The following DNAJA3 variants were observed in gnomAD, a reference collection of about 807,000 sequenced individuals.
DNAJA3 encodes DnaJ heat shock protein family (Hsp40) member A3, also known as dnaJ homolog subfamily A member 3, mitochondrial.
Under a neutral mutation model 54.9 loss-of-function variants are expected in DNAJA3, and 29 were observed. The ratio of observed to expected loss-of-function variants is 0.53; its 90% CI spans 0.39 to 0.72. The LOEUF is 0.72. DNAJA3 is among the 30% of genes least tolerant of loss of function. DNAJA3 has a pLI of 0.00. For missense variants in DNAJA3, 708 were observed against 639.4 expected, an observed-to-expected ratio of 1.11 and a Z score of -1.16; for synonymous variants, 302 against 251.4, an observed-to-expected ratio of 1.20 and a Z score of -1.90.
At chr16:4,431,945 C>G (rs765219163) in intron 1 of DNAJA3, 1 of 151,972 alleles carries the variant, frequency 6.6e-6, no homozygotes, top group African/African-American at 2.4e-5. Context: ...CTCCCTATTG[C>G]TCTTAGGATA....
intron 9 of DNAJA3, 60 bp from the exon 10 acceptor site, chr16:4,450,336 CCTGT>C: frequency 2.2e-6 from 3 of 1,390,768 alleles, no homozygotes; most frequent in Non-Finnish European, 3.0e-6. Flanking sequence ...GTGCTGGCTG[CCTGT>C]GAGTTCTTTC....
chr16:4,447,301 G>A, intron 8 of DNAJA3: 1 of 367,208 alleles, frequency 2.7e-6, no homozygotes, highest in Admixed American at 4.4e-5. Context: ...GTTCACCCTG[G>A]GTTGTGCTCT....
chr16:4,425,977 G>A lies in DNAJA3; in HGVS notation c.96G>A (p.Glu32=), dbSNP rs766532585. The A allele has an allele frequency of 2.5e-6, 4 of 1,594,866 alleles. No individual in the cohort carries two copies. Among genetic ancestry groups the A allele is most frequent in the Non-Finnish European group, 3.4e-6 (4 of 1,172,084 alleles). Residue 32 remains glutamate (E), a synonymous_variant, in exon 1 of 12, where the codon GAG becomes GAA. Coordinates refer to ENST00000262375, the MANE Select transcript of DNAJA3 (RefSeq NM_005147.6). ...ISGRGARPPR[E]GVVGAWLSRK... The stretch of plus-strand genomic sequence containing the variant: ...GTAGAGGGGCCCGGCCGCCCAGGGA[G>A]GGCGTGGTGGGGGCATGGCTGAGCC...
At chr16:4,438,266 G>C (rs1022065065) in intron 3 of DNAJA3, among the ~76,000 whole-genome samples, 4 of 151,480 alleles carry the variant, frequency 2.6e-5, no homozygotes, top group African/African-American at 9.7e-5. Flanking sequence ...GCAGTGAGCT[G>C]AGATTGCGCC....
At chr16:4,434,572 C>A in intron 2 of DNAJA3, 55 bp downstream of exon 2, 1 of 1,586,686 alleles carries the variant, frequency 6.3e-7, no homozygotes, top group South Asian at 1.1e-5. Context: ...TGTTGTTGAT[C>A]CCATGTGATC....
intron 10 of DNAJA3, among the ~76,000 whole-genome samples, chr16:4,453,249 A>G (rs1364968879): frequency 6.6e-6 from 1 of 151,858 alleles, no homozygotes; most frequent in African/African-American, 2.4e-5. Context: ...TTAGTATCTT[A>G]ATGTAGCTGC....
At chr16:4,441,271 C>T (rs1596365414) in intron 3 of DNAJA3, 104 bp from the exon 4 acceptor site, 1 of 1,074,308 alleles carries the variant, frequency 9.3e-7, no homozygotes, top group Non-Finnish European at 1.4e-6. Flanking sequence ...GCACACAGGG[C>T]CACTTAATAA....
chr16:4,443,188 C>G (rs1413952425), intron 6 of DNAJA3, 24 bp downstream of exon 6: 1 of 1,612,852 alleles, frequency 6.2e-7, no homozygotes, highest in African/African-American at 1.3e-5. Context: ...CCCGCCATGT[C>G]CAGGAGCTTG....
At position 4,455,879 on chromosome 16, in the gene DNAJA3, AG is replaced by A; in HGVS notation, c.*349del. The A allele has an allele frequency of 2.0e-6, 1 of 500,774 alleles. No homozygotes were observed. The highest frequency in any genetic ancestry group is 3.6e-6 in the Non-Finnish European group (1 of 278,496). The allele number at this position is 500,774 out of a possible 1,614,324, so 31.0% of individuals were successfully genotyped here. A position where few individuals can be genotyped will look rare whatever the true frequency, so the allele number is the denominator to read the frequency against. ...TGAATATTGTGGATATCTTAGTTAAAGGCCATGCTTACAGCTTAGAAATGAA... is the reference window on the plus strand; with the variant it reads ...TGAATATTGTGGATATCTTAGTTAAAGCCATGCTTACAGCTTAGAAATGAA... On this transcript the variant is annotated 3_prime_UTR_variant, in exon 12 of 12. Transcript: ENST00000262375.
intron 1 of DNAJA3, among the ~76,000 whole-genome samples, chr16:4,428,850 G>A (rs34693672): frequency 0.012 from 1,825 of 151,886 alleles, 24 homozygotes; most frequent in Admixed American, 0.02. Context: ...ACCAGCCTGG[G>A]CAACATAGGC....
At chr16:4,437,276 A>T (rs867689615) in intron 2 of DNAJA3, 126 bp from the exon 3 acceptor site, 2 of 822,690 alleles carry the variant, frequency 2.4e-6, no homozygotes, top group Middle Eastern at 2.3e-4. Flanking sequence ...CAGCCGAGAG[A>T]CAACTTTTAT....
intron 7 of DNAJA3, among the ~76,000 whole-genome samples, chr16:4,445,553 T>C (rs1383630265): frequency 6.6e-6 from 1 of 151,120 alleles, no homozygotes; most frequent in Admixed American, 6.6e-5. Context: ...TTTTATTTTA[T>C]TTTACTTTAT....
intron 8 of DNAJA3, among the ~76,000 whole-genome samples, chr16:4,448,339 C>T (rs544520498): frequency 6.7e-6 from 1 of 149,188 alleles, no homozygotes; most frequent in Admixed American, 6.7e-5. Flanking sequence ...TTTTTACCCA[C>T]CCCCTCCACC....
Position 4,455,735 on chromosome 16 carries a change from C to T in DNAJA3, c.*203C>T. On this transcript the variant is annotated 3_prime_UTR_variant, in exon 12 of 12. Coordinates refer to ENST00000262375, the MANE Select transcript of DNAJA3 (RefSeq NM_005147.6). ...GAAAGGTCACAGTGGACAGCCCGGG[C>T]AGTAGGATGCAGCCCCAGAGGCTGG... The T allele has an allele frequency of 1.4e-6, 1 of 717,864 alleles. No homozygotes were observed. The highest frequency in any genetic ancestry group is 2.3e-6 in the Non-Finnish European group (1 of 427,394). The allele number at this position is 717,864 out of a possible 1,614,324, so 44.5% of individuals were successfully genotyped here.
intron 4 of DNAJA3, among the ~76,000 whole-genome samples, chr16:4,441,786 A>T (rs1187621517): frequency 6.6e-6 from 1 of 152,184 alleles, no homozygotes; most frequent in Non-Finnish European, 1.5e-5. Context: ...TAACAGTTGC[A>T]TAATGAGGTA....
chr16:4,426,131 G>A, intron 1 of DNAJA3, 39 bp downstream of exon 1: 3 of 1,504,396 alleles, frequency 2.0e-6, no homozygotes, highest in Non-Finnish European at 2.7e-6. Flanking sequence ...CGGTTTCAGG[G>A]CCTAGAAAAG....
In DNAJA3 at chr16:4,455,680, C is replaced by A; in HGVS notation, c.*148C>A. On this transcript the variant is annotated 3_prime_UTR_variant, in exon 12 of 12. Coordinates refer to ENST00000262375, the MANE Select transcript of DNAJA3 (RefSeq NM_005147.6). The stretch of plus-strand genomic sequence containing the variant: ...AGCCTCTGGACGGCCTTGGCAACAG[C>A]AAAATCATGGGACAACACCTCTCTC... 1.6e-6 allele frequency: 2 copies of A among 1,246,590 alleles called. No individual in the cohort carries two copies. The highest frequency in any genetic ancestry group is 2.3e-6 in the Non-Finnish European group (2 of 874,096). The allele number at this position is 1,246,590 out of a possible 1,614,324, so 77.2% of individuals were successfully genotyped here. A position where few individuals can be genotyped will look rare whatever the true frequency, so the allele number is the denominator to read the frequency against.
chr16:4,439,024 T>A (rs1432940056), intron 3 of DNAJA3, among the ~76,000 whole-genome samples: 2 of 148,644 alleles, frequency 1.3e-5, no homozygotes, highest in Non-Finnish European at 3.0e-5. Flanking sequence ...ATAAGATTAA[T>A]TTTTTTTTTT....
At chr16:4,442,854 C>T in intron 5 of DNAJA3, 163 bp from the exon 6 acceptor site, 3 of 691,072 alleles carry the variant, frequency 4.3e-6, no homozygotes, top group Non-Finnish European at 4.8e-6. Context: ...ATCAGATGAA[C>T]AGATTGAGGC....
Sources: allele counts gnomAD v4.1 joint callset (sites outside exome capture counted in the v4.1 genomes callset), GRCh38; gene constraint gnomAD v4.1.1; transcripts MANE v1.5; gene names NCBI Gene and HGNC (gene_info 2026-07-23, HGNC 2026-07-21).